The following CXXC5 variants were observed in gnomAD, a reference collection of about 807,000 sequenced individuals.
The protein encoded by CXXC5 is CXXC-type zinc finger protein 5.
CXXC5 carries 2 observed loss-of-function variants against 17.6 expected under a neutral mutation model. The ratio of observed to expected loss-of-function variants is 0.11; its 90% CI spans 0.05 to 0.36. The LOEUF is 0.36. Among genes scored for constraint, CXXC5 ranks in the 10% least tolerant of loss-of-function variants. The pLI is 1.00. For synonymous variants in CXXC5, 171 were observed against 193.0 expected, an observed-to-expected ratio of 0.89 and a Z score of 0.94; for missense variants, 343 against 458.3, an observed-to-expected ratio of 0.75 and a Z score of 2.30.
rs1011805310 is a variant in CXXC5, at chr5:139,663,175, T to C, written c.-161+14330T>C. Among the ~76,000 whole-genome samples the C allele has an allele frequency of 2.0e-5, 3 of 151,334 alleles. No individual in the cohort carries two copies. Among genetic ancestry groups the C allele is most frequent in the Non-Finnish European group, 4.4e-5 (3 of 67,772 alleles). On this transcript the variant is annotated intron_variant, in intron 1 of 2. Coordinates refer to ENST00000302517, the MANE Select transcript of CXXC5 (RefSeq NM_016463.9). The surrounding 1 kb of genome is among the most constrained non-coding windows in gnomAD (Gnocchi z 4.2). ...GACCCAGGGCAAAGGAACCCATGGG[T>C]GTTGGGTGGAAAATCCTGGAGGCTT...
chr5:139,665,204 C>T (rs768792746), intron 1 of CXXC5, among the ~76,000 whole-genome samples: 1 of 152,284 alleles, frequency 6.6e-6, no homozygotes, highest in Non-Finnish European at 1.5e-5. Flanking sequence ...CTCCCACTCT[C>T]CTCTCCCTCT....
intron 1 of CXXC5, 51 bp from the exon 2 acceptor site, chr5:139,680,313 T>G: frequency 1.6e-6 from 1 of 622,218 alleles, no homozygotes; most frequent in South Asian, 2.2e-5. Context: ...GTGGCGATGT[T>G]GAAGGGGGAG....
intron 1 of CXXC5, among the ~76,000 whole-genome samples, chr5:139,657,577 G>C (rs1352808600): frequency 6.6e-6 from 1 of 152,228 alleles, no homozygotes; most frequent in Non-Finnish European, 1.5e-5. Context: ...TACTGGCCCT[G>C]TGGAGGATTC....
intron 1 of CXXC5, among the ~76,000 whole-genome samples, chr5:139,665,149 G>T (rs934236382): frequency 6.6e-6 from 1 of 152,242 alleles, no homozygotes; most frequent in Admixed American, 6.5e-5. Context: ...TGGGCGGGCA[G>T]GGGGGAGTGC....
chr5:139,655,311 C>G (rs1213546060), intron 1 of CXXC5, among the ~76,000 whole-genome samples: 1 of 152,116 alleles, frequency 6.6e-6, no homozygotes, highest in Non-Finnish European at 1.5e-5. Flanking sequence ...CCCATTGCTC[C>G]CTGGCTAGTC....
At chr5:139,650,156 G>T (rs551700420) in intron 1 of CXXC5, among the ~76,000 whole-genome samples, 1 of 152,352 alleles carries the variant, frequency 6.6e-6, no homozygotes, top group African/African-American at 2.4e-5. Context: ...GGAAGCACCA[G>T]TAAATTTGGG....
chr5:139,673,453 C>T (rs1660233854), intron 1 of CXXC5, among the ~76,000 whole-genome samples: 1 of 152,210 alleles, frequency 6.6e-6, no homozygotes, highest in Non-Finnish European at 1.5e-5. Context: ...CCTAGAGCCC[C>T]AGGTCAGAGC....
Position 139,683,101 on chromosome 5 carries a change from G to A in CXXC5, c.*194G>A, listed in dbSNP as rs3203864. On this transcript the variant is annotated 3_prime_UTR_variant, in exon 3 of 3. Transcript: ENST00000302517. ...CATCTCCACGTCCCTAGCATAAAAA[G>A]AAAAAGAAAAAAATTTAAACTGCTT... The A allele has an allele frequency of 2.3e-6, 1 of 431,028 alleles. No homozygotes were observed. The highest frequency in any genetic ancestry group is 3.9e-6 in the Non-Finnish European group (1 of 256,428). The allele number at this position is 431,028 out of a possible 1,614,324, so 26.7% of individuals were successfully genotyped here. A position where few individuals can be genotyped will look rare whatever the true frequency, so the allele number is the denominator to read the frequency against.
intron 1 of CXXC5, among the ~76,000 whole-genome samples, chr5:139,664,197 G>T (rs1755970578): frequency 2.0e-5 from 3 of 152,218 alleles, no homozygotes; most frequent in Non-Finnish European, 2.9e-5. Flanking sequence ...AGGGTGGATG[G>T]GTGGGTGGGG....
chr5:139,650,467 C>T (rs1755104995), intron 1 of CXXC5, among the ~76,000 whole-genome samples: 1 of 152,224 alleles, frequency 6.6e-6, no homozygotes, highest in Non-Finnish European at 1.5e-5. Flanking sequence ...GCTCGGCCCT[C>T]GCCCCCGCCG....
At position 139,670,285 on chromosome 5, in the gene CXXC5, G is replaced by A. The variant is rs190915195; in HGVS notation, c.-160-10079G>A. 2.6e-5 allele frequency among the ~76,000 whole-genome samples: 4 copies of A among 152,310 alleles called. No individual in the cohort carries two copies. The highest frequency in any genetic ancestry group is 4.1e-4 in the South Asian group (2 of 4,830). On this transcript the variant is annotated intron_variant, in intron 1 of 2. Coordinates refer to ENST00000302517, the MANE Select transcript of CXXC5 (RefSeq NM_016463.9). This position sits in a 1 kb window ranked among gnomAD's most constrained non-coding sequence, Gnocchi z 4.2. The stretch of plus-strand genomic sequence containing the variant: ...TTTTCCACGCTCAGGCCAGGCAGGC[G>A]GGTAGACACTGGCCAGAGCTGTTGG...
chr5:139,682,229 C>T (rs1468569893), intron 2 of CXXC5, among the ~76,000 whole-genome samples: 3 of 152,170 alleles, frequency 2.0e-5, no homozygotes, highest in Admixed American at 6.5e-5. Context: ...CCCTTGTCCC[C>T]GCCCCTCTAT....
intron 1 of CXXC5, among the ~76,000 whole-genome samples, chr5:139,657,473 G>C (rs924202747): frequency 2.0e-5 from 3 of 152,218 alleles, no homozygotes; most frequent in African/African-American, 7.2e-5. Context: ...AAAAGTGAAT[G>C]AATGAATGAC....
chr5:139,676,194 C>T (rs1273918096), intron 1 of CXXC5, among the ~76,000 whole-genome samples: 1 of 124,130 alleles, frequency 8.1e-6, no homozygotes, highest in African/African-American at 3.2e-5. Context: ...CCCACCTCCC[C>T]CCAAGCCCTC....
chr5:139,653,974 C>T (rs1342479760), intron 1 of CXXC5, among the ~76,000 whole-genome samples: 2 of 152,182 alleles, frequency 1.3e-5, no homozygotes, highest in Non-Finnish European at 2.9e-5. Context: ...ACCAACAAGA[C>T]AGGGCTCCAC....
intron 1 of CXXC5, among the ~76,000 whole-genome samples, chr5:139,655,435 C>A (rs1214526768): frequency 1.3e-5 from 2 of 149,944 alleles, no homozygotes; most frequent in Non-Finnish European, 3.0e-5. Context: ...TGCCTGCCAC[C>A]CCCCGCCGCC....
At chr5:139,678,122 C>T (rs889667020) in intron 1 of CXXC5, among the ~76,000 whole-genome samples, 4 of 152,208 alleles carry the variant, frequency 2.6e-5, no homozygotes, top group Non-Finnish European at 4.4e-5. Context: ...TCTGGGCTGC[C>T]GGGGTTGTCG....
chr5:139,670,889 A>C lies in CXXC5; in HGVS notation c.-160-9475A>C, dbSNP rs1004144183. Among the ~76,000 whole-genome samples, 3 of 152,176 alleles carry C rather than the reference A, an allele frequency of 2.0e-5. No homozygotes were observed. Among genetic ancestry groups the C allele is most frequent in the Admixed American group, 1.3e-4 (2 of 15,280 alleles). The stretch of plus-strand genomic sequence containing the variant: ...TTCACAGTCCACTGGACACACACAC[A>C]GTTGTGCAGCACACCTCCCAGGTAG... On this transcript the variant is annotated intron_variant, in intron 1 of 2. Coordinates refer to ENST00000302517, the MANE Select transcript of CXXC5 (RefSeq NM_016463.9). The surrounding 1 kb of genome is among the most constrained non-coding windows in gnomAD (Gnocchi z 4.2).
Position 139,683,542 on chromosome 5 carries a change from C to T in CXXC5, c.*635C>T, listed in dbSNP as rs930727569. On this transcript the variant is annotated 3_prime_UTR_variant, in exon 3 of 3. Transcript: ENST00000302517. ...AGGCCAGCTGAGCTGCACCCACAGT[C>T]CCGAGACTGGGATCCCCCACCCCAA... 1.3e-5 allele frequency: 2 copies of T among 152,356 alleles called. No homozygotes were observed. Among genetic ancestry groups the T allele is most frequent in the African/African-American group, 4.8e-5 (2 of 41,446 alleles). 9.4% of individuals were successfully genotyped at this position (152,356 alleles called of 1,614,324 possible).
Sources: gnomAD v4.1 joint callset for allele counts (sites outside exome capture counted in the v4.1 genomes callset) on GRCh38, gnomAD v4.1.1 for gene constraint, Gnocchi (gnomAD v3.1) non-coding constraint, MANE v1.5 for transcripts, NCBI Gene and HGNC (gene_info 2026-07-23, HGNC 2026-07-21) for gene names.